The following LRIG2 variants were observed in gnomAD, a reference collection of about 807,000 sequenced individuals.
LRIG2 encodes leucine rich repeats and immunoglobulin like domains 2, also known as leucine-rich repeats and immunoglobulin-like domains protein 2.
Under a neutral mutation model 107.8 loss-of-function variants are expected in LRIG2, and 93 were observed. The ratio of observed to expected loss-of-function variants is 0.86; its 90% CI spans 0.73 to 1.03. The LOEUF (loss-of-function observed/expected upper bound fraction) is 1.03, where lower values mean the gene tolerates loss of function less well. LRIG2 is among the 50% of genes least tolerant of loss of function. LRIG2 has a pLI of 0.00. For missense variants in LRIG2, 1,226 were observed against 1,296.0 expected (o/e 0.95, Z 0.83); for synonymous variants, 471 against 470.6 (o/e 1.00, Z -0.01).
At position 113,110,578 on chromosome 1, in the gene LRIG2, C is replaced by G. The variant is rs1654734137; in HGVS notation, c.1798+16C>G. Reference sequence around the variant, plus strand: ...ACTGTAAATGGTAAGGAATTATGCTCCTTGATTTTTTTTAGTTTAGAAGGA... The same window carrying G: ...ACTGTAAATGGTAAGGAATTATGCTGCTTGATTTTTTTTAGTTTAGAAGGA... On this transcript the variant is annotated intron_variant, in intron 13 of 17. Coordinates refer to ENST00000361127, the MANE Select transcript of LRIG2 (RefSeq NM_014813.3). The G allele has an allele frequency of 6.5e-7, 1 of 1,549,058 alleles. No individual in the cohort carries two copies. The highest frequency in any genetic ancestry group is 8.8e-7 in the Non-Finnish European group (1 of 1,140,394).
intron 17 of LRIG2, among the ~76,000 whole-genome samples, chr1:113,119,914 A>G (rs934043092): frequency 1.3e-5 from 2 of 152,022 alleles, no homozygotes; most frequent in African/African-American, 4.8e-5. Flanking sequence ...GGTTCAAGCA[A>G]TTCTCATGCC....
chr1:113,115,721 T>C (rs1654978802), intron 15 of LRIG2, among the ~76,000 whole-genome samples: 1 of 151,800 alleles, frequency 6.6e-6, no homozygotes. Flanking sequence ...TGAGACGGGG[T>C]TTCACCATGT....
In LRIG2 at chr1:113,127,971, T is replaced by A. The variant is rs1655552553; in HGVS notation, c.*3870T>A. ...CACACTCTAATGCAATGTAATTCTT[T>A]CTTTGTGCTTTCAGATTTCCTTACA... is the stretch of plus-strand genomic sequence containing the variant. On this transcript the variant is annotated 3_prime_UTR_variant, in exon 18 of 18. Transcript: ENST00000361127. 6.6e-6 allele frequency: 1 copy of A among 151,956 alleles called. No individual in the cohort carries two copies. Among genetic ancestry groups the A allele is most frequent in the African/African-American group, 2.4e-5 (1 of 41,214 alleles). 9.4% of individuals were successfully genotyped at this position (151,956 alleles called of 1,614,324 possible).
In LRIG2 at chr1:113,110,491, G is replaced by A. The variant is rs750525658; in HGVS notation, c.1727G>A (p.Gly576Glu). Residue 576 changes from glycine (G) to glutamate (E), a missense_variant, in exon 13 of 18, where the codon GGA (glycine) becomes GAA (glutamate). By Grantham distance (98) the Gly-to-Glu change is moderately conservative. Transcript: ENST00000361127. ...TTCAATGTGAATTTCACAGATGAAG[G>A]AAAATATCAGTGTATTGTTACTAAT... is the stretch of plus-strand genomic sequence containing the variant. Reference protein sequence around the residue: ...HLFNVNFTDEGKYQCIVTNHF... With the variant: ...HLFNVNFTDEEKYQCIVTNHF... 6.2e-7 allele frequency: 1 copy of A among 1,613,468 alleles called. No individual in the cohort carries two copies. The highest frequency in any genetic ancestry group is 8.5e-7 in the Non-Finnish European group (1 of 1,179,330).
intron 17 of LRIG2, 137 bp downstream of exon 17, chr1:113,119,660 G>A: frequency 2.7e-6 from 2 of 747,862 alleles, no homozygotes; most frequent in East Asian, 5.4e-5. Flanking sequence ...TTGTTAAATG[G>A]TATAAACTAT....
chr1:113,123,822 A>G (rs756282372), intron 17 of LRIG2, 53 bp from the exon 18 acceptor site: 808 of 1,462,618 alleles, frequency 5.5e-4, no homozygotes, highest in Non-Finnish European at 7.1e-4. Flanking sequence ...TTTGGCTAAA[A>G]GGATATTAAG....
intron 1 of LRIG2, among the ~76,000 whole-genome samples, chr1:113,079,621 T>G (rs1314982805): frequency 1.3e-5 from 2 of 149,384 alleles, no homozygotes; most frequent in Admixed American, 1.3e-4. Context: ...AGGCAGAGGT[T>G]GTAGTGAGCT....
At chr1:113,085,343 G>GT (rs1011694450) in intron 1 of LRIG2, among the ~76,000 whole-genome samples, 3 of 152,166 alleles carry the variant, frequency 2.0e-5, no homozygotes, top group Non-Finnish European at 4.4e-5. Context: ...GAGTGCAATG[G>GT]TGGGATCTCT....
intron 14 of LRIG2, among the ~76,000 whole-genome samples, chr1:113,113,327 T>C (rs1469532448): frequency 6.6e-6 from 1 of 151,666 alleles, no homozygotes; most frequent in African/African-American, 2.4e-5. Flanking sequence ...TTTCCCCTGC[T>C]GGCCTGGGTT....
Position 113,131,576 on chromosome 1 carries a change from C to G in LRIG2, c.*7475C>G, listed in dbSNP as rs1205098586. Reference sequence around the variant, plus strand: ...CTATTACGTGATCTCTTTGCCCATACAGTTGGCAGATGTTTTTTCCCCCTT... The same window carrying G: ...CTATTACGTGATCTCTTTGCCCATAGAGTTGGCAGATGTTTTTTCCCCCTT... On this transcript the variant is annotated 3_prime_UTR_variant, in exon 18 of 18. Transcript: ENST00000361127. 1.3e-5 allele frequency: 2 copies of G among 152,150 alleles called. No homozygotes were observed. Among genetic ancestry groups the G allele is most frequent in the African/African-American group, 2.4e-5 (1 of 41,426 alleles). 9.4% of individuals were successfully genotyped at this position (152,150 alleles called of 1,614,324 possible). A position where few individuals can be genotyped will look rare whatever the true frequency, so the allele number is the denominator to read the frequency against.
chr1:113,111,874 C>G (rs1246733011), intron 13 of LRIG2, among the ~76,000 whole-genome samples: 2 of 152,062 alleles, frequency 1.3e-5, no homozygotes, highest in African/African-American at 4.8e-5. Context: ...GTGGTGTGAT[C>G]TCAGCTCACT....
At chr1:113,089,767 A>G (rs1362591981) in intron 1 of LRIG2, among the ~76,000 whole-genome samples, 2 of 134,910 alleles carry the variant, frequency 1.5e-5, no homozygotes, top group Non-Finnish European at 3.0e-5. Flanking sequence ...CTACAACCTC[A>G]CTACAACCTC....
chr1:113,099,139 C>A (rs1031351079), intron 9 of LRIG2, among the ~76,000 whole-genome samples: 11 of 151,708 alleles, frequency 7.3e-5, no homozygotes, highest in African/African-American at 2.7e-4. Flanking sequence ...GTTTCACCAT[C>A]TTGGCCAGGC....
intron 15 of LRIG2, 110 bp downstream of exon 15, chr1:113,114,986 G>T (rs1200260845): frequency 1.3e-5 from 12 of 927,288 alleles, no homozygotes; most frequent in Non-Finnish European, 1.9e-5. Context: ...GCACATGCCT[G>T]TACTCCCAGC....
At chr1:113,080,019 A>T (rs1570722932) in intron 1 of LRIG2, among the ~76,000 whole-genome samples, 1 of 112,638 alleles carries the variant, frequency 8.9e-6, no homozygotes, top group Non-Finnish European at 1.7e-5. Context: ...CCTGGCCCGA[A>T]TTTTTTTTTT....
At chr1:113,117,031 T>C (rs1472439466) in intron 16 of LRIG2, among the ~76,000 whole-genome samples, 1 of 152,178 alleles carries the variant, frequency 6.6e-6, no homozygotes, top group Non-Finnish European at 1.5e-5. Context: ...CAGCATATAC[T>C]GGAGAACATC....
Position 113,114,655 on chromosome 1 carries a change from A to G in LRIG2, c.2309A>G (p.Asn770Ser). 6.2e-7 allele frequency: 1 copy of G among 1,614,122 alleles called. No individual in the cohort carries two copies. The highest frequency in any genetic ancestry group is 8.5e-7 in the Non-Finnish European group (1 of 1,180,040). ...GGGAAATATACCTGCATTATGTCTA[A>G]CACCCTTGGGACAGAACGTGGCCAC... ...DAGKYTCIMS[N>S]TLGTERGHIY... Residue 770 changes from asparagine to serine, a missense_variant, in exon 15 of 18, where the codon AAC (asparagine) becomes AGC (serine). Asn to Ser is a conservative substitution (Grantham distance 46, BLOSUM62 1). Coordinates refer to ENST00000361127, the MANE Select transcript of LRIG2 (RefSeq NM_014813.3).
At chr1:113,095,539 G>C (rs1654021821) in intron 6 of LRIG2, among the ~76,000 whole-genome samples, 1 of 152,036 alleles carries the variant, frequency 6.6e-6, no homozygotes. Context: ...CTCCCGAGTA[G>C]CTGGGACTAC....
Position 113,107,656 on chromosome 1 carries a change from T to C in LRIG2, c.1376T>C (p.Val459Ala). 1 of 1,614,070 alleles carries C rather than the reference T, an allele frequency of 6.2e-7. No homozygotes were observed. The highest frequency in any genetic ancestry group is 8.5e-7 in the Non-Finnish European group (1 of 1,179,968). ...CHLKWLLQWL[V>A]DNNFQHSVNV... The stretch of plus-strand genomic sequence containing the variant: ...TTGAAGTGGCTACTTCAATGGTTGG[T>C]TGATAATAACTTTCAACATTCTGTG... The change falls in exon 12 of 18, where the codon GTT (valine) becomes GCT (alanine). Residue 459 changes from valine to alanine, a missense_variant. Physicochemically the swap from Val to Ala is moderately conservative, Grantham distance 64. Around this residue, in one of 3 missense-constraint regions of LRIG2, gnomAD observed 570 missense variants for 550.2 expected, o/e 1.04. Coordinates refer to ENST00000361127, the MANE Select transcript of LRIG2 (RefSeq NM_014813.3).
Sources: allele counts gnomAD v4.1 joint callset (sites outside exome capture counted in the v4.1 genomes callset), GRCh38; gene constraint gnomAD v4.1.1; regional missense constraint gnomAD v4.1.1; transcripts MANE v1.5; gene names NCBI Gene and HGNC (gene_info 2026-07-23, HGNC 2026-07-21).